DAB1: variants seen among roughly 807,000 people sequenced by gnomAD.
DAB1 encodes DAB adaptor protein 1.
In DAB1, 15 loss-of-function variants were observed where a neutral mutation model predicts 64.6. The ratio of observed to expected loss-of-function variants is 0.23; its 90% CI spans 0.16 to 0.36. DAB1 has a LOEUF of 0.36. DAB1 is among the 10% of genes least tolerant of loss of function. DAB1 has a pLI of 1.00. For synonymous variants in DAB1, 235 were observed against 251.9 expected, an observed-to-expected ratio of 0.93 and a Z score of 0.64; for missense variants, 596 against 706.7, an observed-to-expected ratio of 0.84 and a Z score of 1.78.
At chr1:58,426,029 G>C (rs1445154780) in intron 3 of DAB1, among the ~76,000 whole-genome samples, 1 of 152,220 alleles carries the variant, frequency 6.6e-6, no homozygotes, top group African/African-American at 2.4e-5. Flanking sequence ...GGAGTGGAAA[G>C]GGTCCAAAGT....
intron 4 of DAB1, among the ~76,000 whole-genome samples, chr1:58,298,022 G>T (rs1249732479): frequency 6.6e-6 from 1 of 152,138 alleles, no homozygotes; most frequent in Non-Finnish European, 1.5e-5. Context: ...AAAGTATTAT[G>T]ATTAAAAAAT....
intron 4 of DAB1, among the ~76,000 whole-genome samples, chr1:58,338,794 G>A (rs1663183095): frequency 6.6e-6 from 1 of 152,068 alleles, no homozygotes; most frequent in African/African-American, 2.4e-5. Flanking sequence ...ACAAAATGTG[G>A]TATATCCATA....
chr1:57,220,506 T>C (rs11800032), intron 2 of DAB1, among the ~76,000 whole-genome samples: 3,088 of 152,272 alleles, frequency 0.02, 93 homozygotes, highest in African/African-American at 0.069. Flanking sequence ...TAATAGCAGG[T>C]ATTATTAGCA....
intron 3 of DAB1, among the ~76,000 whole-genome samples, chr1:58,378,064 TC>T (rs1644346892): frequency 7.3e-6 from 1 of 137,636 alleles, no homozygotes; most frequent in Admixed American, 7.2e-5. Flanking sequence ...TATTGGTTAT[TC>T]TAGTTATACA....
In DAB1 at chr1:57,205,028, A is replaced by G. The variant is rs936029775; in HGVS notation, c.68-59599T>C. 2.6e-5 allele frequency among the ~76,000 whole-genome samples: 4 copies of G among 152,230 alleles called. No individual in the cohort carries two copies. The East Asian group carries it at 7.7e-4, about 29-fold the overall frequency. Reference sequence around the variant, plus strand: ...ATAAGGCTGTTTTGTGGGAAATTCAAGCTCACCCATTTGAGAGTGTTAATG... The same window carrying G: ...ATAAGGCTGTTTTGTGGGAAATTCAGGCTCACCCATTTGAGAGTGTTAATG... On this transcript the variant is annotated intron_variant, in intron 2 of 14. Coordinates refer to ENST00000371236, the MANE Select transcript of DAB1 (RefSeq NM_001365792.1).
chr1:57,751,207 G>A (rs1350612738), intron 6 of DAB1, among the ~76,000 whole-genome samples: 1 of 152,114 alleles, frequency 6.6e-6, no homozygotes, highest in East Asian at 1.9e-4. Context: ...GAAAATGTGT[G>A]GCCATCAGAT....
At chr1:58,275,796 A>G (rs1661429889) in intron 4 of DAB1, among the ~76,000 whole-genome samples, 1 of 152,210 alleles carries the variant, frequency 6.6e-6, no homozygotes, top group South Asian at 2.1e-4. Context: ...TAGAATTACC[A>G]TTTGATCCAG....
At chr1:57,908,249 T>A (rs373448791) in intron 5 of DAB1, among the ~76,000 whole-genome samples, 1 of 152,140 alleles carries the variant, frequency 6.6e-6, no homozygotes, top group African/African-American at 2.4e-5. Context: ...CTGATGACTC[T>A]GGGAGACCTC....
At chr1:57,536,656 T>G (rs1243550978) in intron 7 of DAB1, among the ~76,000 whole-genome samples, 1 of 147,182 alleles carries the variant, frequency 6.8e-6, no homozygotes, top group Admixed American at 6.9e-5. Context: ...TCCTACTTAC[T>G]CTTAAAACCT....
chr1:57,870,178 G>A (rs925452290), intron 1 of DAB1, among the ~76,000 whole-genome samples: 6 of 152,108 alleles, frequency 3.9e-5, no homozygotes, highest in African/African-American at 1.4e-4. Flanking sequence ...AAGGCCAGGT[G>A]CATACAGGAG....
At chr1:57,214,636 C>T (rs920166037) in intron 2 of DAB1, among the ~76,000 whole-genome samples, 6 of 152,078 alleles carry the variant, frequency 3.9e-5, no homozygotes, top group Admixed American at 6.6e-5. Flanking sequence ...ACAAGCCGGG[C>T]GCAGTGGCTC....
chr1:58,441,997 A>C (rs1645015103), intron 3 of DAB1, among the ~76,000 whole-genome samples: 1 of 152,212 alleles, frequency 6.6e-6, no homozygotes. Flanking sequence ...CACATCACTC[A>C]TTCTGATGTC....
intron 7 of DAB1, among the ~76,000 whole-genome samples, chr1:57,644,877 G>T (rs1202821008): frequency 6.6e-6 from 1 of 152,118 alleles, no homozygotes; most frequent in African/African-American, 2.4e-5. Context: ...CCGGAAGCAT[G>T]AGCTGAAATC....
Position 57,691,848 on chromosome 1 carries a change from T to G in DAB1, n.552-42183A>C, listed in dbSNP as rs188693344. On this transcript the variant is annotated intron_variant and non_coding_transcript_variant, in intron 6 of 20. Coordinates refer to the DAB1 transcript ENST00000485760. ...ACCCCTTTCGCTTGCTATTCTGTCC[T>G]ATTTTTCCTTAGAATTTGGGGGCTA... Among the ~76,000 whole-genome samples the G allele has an allele frequency of 4.7e-4, 71 of 152,264 alleles. No individual in the cohort carries two copies. In the East Asian group the frequency reaches 8.5e-3, roughly 18 times the overall value.
At chr1:57,711,055 T>C (rs975658642) in intron 6 of DAB1, among the ~76,000 whole-genome samples, 5 of 152,194 alleles carry the variant, frequency 3.3e-5, no homozygotes, top group African/African-American at 1.2e-4. Flanking sequence ...GCAGGAGTAA[T>C]TGTAGAAGTT....
chr1:58,317,753 C>A (rs1382255593), intron 4 of DAB1, among the ~76,000 whole-genome samples: 1 of 152,232 alleles, frequency 6.6e-6, no homozygotes, highest in Non-Finnish European at 1.5e-5. Context: ...CTGAGCCTGT[C>A]TGGACTGAGA....
At chr1:57,454,156 C>A (rs983036400) in intron 7 of DAB1, among the ~76,000 whole-genome samples, 1 of 152,102 alleles carries the variant, frequency 6.6e-6, no homozygotes, top group Admixed American at 6.6e-5. Context: ...ATAGTGAATG[C>A]GGTTCCTGTT....
intron 1 of DAB1, among the ~76,000 whole-genome samples, chr1:57,301,338 A>T (rs1264856611): frequency 6.6e-6 from 1 of 152,136 alleles, no homozygotes; most frequent in Non-Finnish European, 1.5e-5. Context: ...ACGGATTCTA[A>T]AGGGGCACCT....
chr1:57,072,508 G>A, intron 4 of DAB1, 94 bp from the exon 5 acceptor site: 1 of 1,386,524 alleles, frequency 7.2e-7, no homozygotes, highest in Non-Finnish European at 9.9e-7. Flanking sequence ...GTGTGAACAG[G>A]CCCGAAGGGC....
Sources: allele counts gnomAD v4.1 joint callset (sites outside exome capture counted in the v4.1 genomes callset), GRCh38; gene constraint gnomAD v4.1.1; transcripts MANE v1.5; gene names NCBI Gene and HGNC (gene_info 2026-07-23, HGNC 2026-07-21).